The following CMTM4 variants were observed in gnomAD, a reference collection of about 807,000 sequenced individuals.
The protein encoded by CMTM4 is CKLF-like MARVEL transmembrane domain-containing protein 4.
Under a neutral mutation model 19.0 loss-of-function variants are expected in CMTM4, and 8 were observed. The observed-to-expected ratio is 0.42, with a 90% CI of 0.25 to 0.76. The LOEUF (loss-of-function observed/expected upper bound fraction) is 0.76. Ranked by LOEUF, CMTM4 falls within the 30% of genes least tolerant of loss-of-function variation. The pLI is 0.27. For synonymous variants in CMTM4, 106 were observed against 121.1 expected (o/e 0.88, Z 0.82); for missense variants, 228 against 290.2 (o/e 0.79, Z 1.56).
At chr16:66,601,466 G>T in the CMTM4 span, among the ~76,000 whole-genome samples, 3 of 152,166 alleles carry the variant, frequency 2.0e-5, no homozygotes, top group African/African-American at 7.2e-5. Context: ...GCTGAGACTG[G>T]GGCTTTTATG....
At chr16:66,660,404 A>C (rs534661191) in intron 1 of CMTM4, among the ~76,000 whole-genome samples, 2 of 151,940 alleles carry the variant, frequency 1.3e-5, no homozygotes, top group Admixed American at 6.6e-5. Context: ...AAAAAAAAAA[A>C]AACAAAACTC....
chr16:66,683,683 C>A (rs1048147596), intron 1 of CMTM4, among the ~76,000 whole-genome samples: 1 of 151,812 alleles, frequency 6.6e-6, no homozygotes, highest in African/African-American at 2.4e-5. Context: ...AACTTGAAAG[C>A]CAAGTCTTTG....
At chr16:66,612,578 C>T, downstream of CMTM4, 1 of 1,613,360 alleles carries the variant, frequency 6.2e-7, no homozygotes, top group Non-Finnish European at 8.5e-7. The surrounding 1 kb of genome is among the most constrained non-coding windows in gnomAD (Gnocchi z 6.0). Context: ...CCTGAGCCTC[C>T]TGCCAAGCAT....
intron 1 of CMTM4, among the ~76,000 whole-genome samples, chr16:66,695,358 AG>A: frequency 1.3e-5 from 2 of 152,248 alleles, no homozygotes; most frequent in East Asian, 3.9e-4. Context: ...AGAGAGAGAG[AG>A]AGAACAAGAA....
rs1178140315 is a variant in CMTM4 at position 66,663,532 on chromosome 16, C to CTTTTTTTTTTT, written c.187-26962_187-26952dup. Among the ~76,000 whole-genome samples, 4 of 55,258 alleles carry CTTTTTTTTTTT rather than the reference C, an allele frequency of 7.2e-5. 1 individual carries two copies. Among genetic ancestry groups the CTTTTTTTTTTT allele is most frequent in the African/African-American group, 1.4e-4 (2 of 14,632 alleles). 36.3% of individuals were successfully genotyped at this position (55,258 alleles called of 152,430 possible). On this transcript the variant is annotated intron_variant, in intron 1 of 3. Transcript: ENST00000394106. ...TCTATGGTTCTAAGATTTTCATTTGCTTTTTTTTTTTTTTTTTTTTTTTTT... is the reference window on the plus strand; with the variant it reads ...TCTATGGTTCTAAGATTTTCATTTGCTTTTTTTTTTTTTTTTTTTTTTTTTTTTTTTTTTTT...
chr16:66,696,600 G>C lies in CMTM4; in HGVS notation c.-75C>G, dbSNP rs1596973312. On this transcript the variant is annotated 5_prime_UTR_variant, in exon 1 of 4. Transcript: ENST00000394106. The surrounding 1 kb of genome is among the most constrained non-coding windows in gnomAD (Gnocchi z 4.3). ...AGCGGGCGGACTCAGCGGGGCCGCCGCATCGCCGCCGCCGCCGCCGCCGCC... is the reference window on the plus strand; with the variant it reads ...AGCGGGCGGACTCAGCGGGGCCGCCCCATCGCCGCCGCCGCCGCCGCCGCC... The C allele has an allele frequency of 3.3e-6, 3 of 902,190 alleles. No homozygotes were observed. The highest frequency in any genetic ancestry group is 5.0e-5 in the South Asian group (1 of 19,986). The allele number at this position is 902,190 out of a possible 1,614,324, so 55.9% of individuals were successfully genotyped here. A position where few individuals can be genotyped will look rare whatever the true frequency, so the allele number is the denominator to read the frequency against.
intron 1 of CMTM4, among the ~76,000 whole-genome samples, chr16:66,644,713 C>A (rs2016158634): frequency 6.6e-6 from 1 of 152,154 alleles, no homozygotes; most frequent in Non-Finnish European, 1.5e-5. Context: ...CCTTTTGGAA[C>A]TACAGACAGT....
At chr16:66,601,079 T>C in the CMTM4 span, among the ~76,000 whole-genome samples, 1 of 150,616 alleles carries the variant, frequency 6.6e-6, no homozygotes, top group Non-Finnish European at 1.5e-5. Flanking sequence ...GAAGCTCCCA[T>C]GGTTTGTGTG....
At chr16:66,692,611 C>A (rs753135439) in intron 1 of CMTM4, among the ~76,000 whole-genome samples, 1 of 152,178 alleles carries the variant, frequency 6.6e-6, no homozygotes, top group African/African-American at 2.4e-5. Flanking sequence ...AAAAACACCA[C>A]CAAAAAGTCT....
At chr16:66,604,589 G>T in the CMTM4 span, 2 of 345,990 alleles carry the variant, frequency 5.8e-6, no homozygotes, top group East Asian at 9.3e-5. Flanking sequence ...CCGGGGAGGG[G>T]GCGGGTCGGG....
downstream of CMTM4, chr16:66,609,866 A>C (rs772223070): frequency 8.1e-6 from 13 of 1,614,142 alleles, no homozygotes; most frequent in South Asian, 1.3e-4. The surrounding 1 kb of genome is among the most constrained non-coding windows in gnomAD (Gnocchi z 4.4). Context: ...GATGCATCCC[A>C]TCCACCCTGT....
intron 2 of CMTM4, among the ~76,000 whole-genome samples, chr16:66,627,289 G>T (rs1286747855): frequency 6.6e-6 from 1 of 152,156 alleles, no homozygotes; most frequent in Admixed American, 6.5e-5. Flanking sequence ...GAAAAAGCAT[G>T]ATTTTAATGG....
At chr16:66,605,020 G>A in the CMTM4 span, 2 of 1,326,584 alleles carry the variant, frequency 1.5e-6, no homozygotes, top group African/African-American at 3.1e-5. The surrounding 1 kb of genome is among the most constrained non-coding windows in gnomAD (Gnocchi z 4.6). Context: ...AGGACGTCGG[G>A]GCGCGGGTGG....
At chr16:66,644,228 G>A (rs1048686264) in intron 1 of CMTM4, among the ~76,000 whole-genome samples, 2 of 152,196 alleles carry the variant, frequency 1.3e-5, no homozygotes, top group African/African-American at 2.4e-5. Flanking sequence ...AGTGTTCAGT[G>A]ACAAACTCCT....
chr16:66,602,744 G>A, the CMTM4 span, among the ~76,000 whole-genome samples: 3 of 151,826 alleles, frequency 2.0e-5, no homozygotes, highest in Non-Finnish European at 2.9e-5. Context: ...ATGGGTTTTC[G>A]CCATGTTGGC....
chr16:66,692,779 C>T (rs563081710), intron 1 of CMTM4, among the ~76,000 whole-genome samples: 5 of 152,046 alleles, frequency 3.3e-5, no homozygotes, highest in South Asian at 4.2e-4. Context: ...TGCTAGTGGG[C>T]GCCTGTAATC....
intron 2 of CMTM4, among the ~76,000 whole-genome samples, chr16:66,629,150 G>A (rs2015800910): frequency 6.6e-6 from 1 of 152,210 alleles, no homozygotes; most frequent in African/African-American, 2.4e-5. Context: ...AGGCTGAACT[G>A]ATCACAAATG....
At chr16:66,695,549 A>G (rs907724881) in intron 1 of CMTM4, among the ~76,000 whole-genome samples, 2 of 152,182 alleles carry the variant, frequency 1.3e-5, no homozygotes, top group Non-Finnish European at 2.9e-5. Flanking sequence ...GCAGGAACAG[A>G]GCTGAGAGGC....
intron 1 of CMTM4, among the ~76,000 whole-genome samples, chr16:66,639,553 T>C (rs2016061953): frequency 6.6e-6 from 1 of 151,890 alleles, no homozygotes; most frequent in Admixed American, 6.6e-5. Flanking sequence ...GAACAAAGCA[T>C]AGCTGGGGCA....
Sources: gnomAD v4.1 joint callset for allele counts (sites outside exome capture counted in the v4.1 genomes callset) on GRCh38, gnomAD v4.1.1 for gene constraint, Gnocchi (gnomAD v3.1) non-coding constraint, MANE v1.5 for transcripts, NCBI Gene and HGNC (gene_info 2026-07-23, HGNC 2026-07-21) for gene names.